Variants in SND1 observed in about 807,000 individuals in gnomAD.
SND1 encodes staphylococcal nuclease and tudor domain containing 1.
Under a neutral mutation model 121.7 loss-of-function variants are expected in SND1, and 38 were observed. The observed-to-expected ratio is 0.31, with a 90% CI of 0.24 to 0.41. The LOEUF (loss-of-function observed/expected upper bound fraction) is 0.41. Among genes scored for constraint, SND1 ranks in the 10% least tolerant of loss-of-function variants. The probability of loss-of-function intolerance (pLI) is 1.00; values close to 1 mark genes in which losing one functional copy is unlikely to be tolerated. For synonymous variants in SND1, 401 were observed against 447.4 expected (o/e 0.90, Z 1.31); for missense variants, 868 against 1,184.6 (o/e 0.73, Z 3.92).
At chr7:127,940,384 A>G (rs1189220444) in intron 15 of SND1, among the ~76,000 whole-genome samples, 1 of 152,058 alleles carries the variant, frequency 6.6e-6, no homozygotes, top group African/African-American at 2.4e-5. Flanking sequence ...CTACTGTGCT[A>G]CTCACCAGAA....
chr7:127,683,481 T>G (rs1436804601), intron 1 of SND1, among the ~76,000 whole-genome samples: 1 of 152,216 alleles, frequency 6.6e-6, no homozygotes, highest in South Asian at 2.1e-4. Context: ...CCTCCCAAAG[T>G]GCTGAGATTA....
At chr7:127,660,907 G>C (rs188006219) in intron 1 of SND1, among the ~76,000 whole-genome samples, 40 of 152,190 alleles carry the variant, frequency 2.6e-4, no homozygotes, top group Non-Finnish European at 3.1e-4. Flanking sequence ...TGAATTAGAA[G>C]CTCTGGGACT....
intron 10 of SND1, among the ~76,000 whole-genome samples, chr7:127,772,694 CAT>C (rs1797536147): frequency 3.7e-5 from 2 of 54,346 alleles, no homozygotes; most frequent in Admixed American, 2.6e-4. Context: ...AATTATGAAA[CAT>C]GTAATTTTTT....
chr7:127,688,614 T>TGG (rs987285357), intron 2 of SND1, among the ~76,000 whole-genome samples: 1 of 151,396 alleles, frequency 6.6e-6, no homozygotes, highest in Non-Finnish European at 1.5e-5. Flanking sequence ...CTCAACTACT[T>TGG]GGGAGGTAGA....
At chr7:127,892,728 G>A (rs537834901) in intron 13 of SND1, among the ~76,000 whole-genome samples, 1 of 152,012 alleles carries the variant, frequency 6.6e-6, no homozygotes, top group South Asian at 2.1e-4. Flanking sequence ...CATAGACTTC[G>A]TTGAAAAGCC....
rs536020584 is a variant in SND1 at position 127,705,439 on chromosome 7, A to G, written c.947+494A>G. Among the ~76,000 whole-genome samples the G allele has an allele frequency of 1.5e-3, 225 of 152,370 alleles. No homozygotes were observed. The Middle Eastern group carries it at 0.02, about 14-fold the overall frequency. ...GTGTGTTTCAGTTATAAACACTAAT[A>G]TAACTCTGAGACGTTATTGGTGTGT... On this transcript the variant is annotated intron_variant, in intron 8 of 23. Coordinates refer to ENST00000354725, the MANE Select transcript of SND1 (RefSeq NM_014390.4).
At chr7:127,863,587 G>C (rs951513358) in intron 12 of SND1, among the ~76,000 whole-genome samples, 1 of 152,128 alleles carries the variant, frequency 6.6e-6, no homozygotes, top group Non-Finnish European at 1.5e-5. Flanking sequence ...TGGCAGAATC[G>C]TAAAACAATA....
At chr7:127,931,782 A>G (rs1800960130) in intron 15 of SND1, among the ~76,000 whole-genome samples, 1 of 152,220 alleles carries the variant, frequency 6.6e-6, no homozygotes, top group South Asian at 2.1e-4. Context: ...AATGATGCTA[A>G]ATCTACTCTG....
intron 14 of SND1, among the ~76,000 whole-genome samples, chr7:127,914,979 C>T (rs1228912134): frequency 6.6e-6 from 1 of 152,026 alleles, no homozygotes; most frequent in African/African-American, 2.4e-5. Context: ...AAACAGTTGA[C>T]GTAAGAGCTC....
At chr7:127,925,114 A>G (rs1403286104) in intron 14 of SND1, among the ~76,000 whole-genome samples, 2 of 152,238 alleles carry the variant, frequency 1.3e-5, no homozygotes, top group African/African-American at 4.8e-5. Context: ...GGAGGCAGAA[A>G]CATTTCTTAA....
chr7:128,075,532 T>C (rs1307194144), intron 17 of SND1, among the ~76,000 whole-genome samples: 3 of 152,176 alleles, frequency 2.0e-5, no homozygotes, highest in Non-Finnish European at 4.4e-5. Flanking sequence ...AGCACCAGAT[T>C]CTTCACCAGC....
chr7:128,085,974 A>G lies in SND1; in HGVS notation c.2304+194A>G, dbSNP rs1218495389. Among the ~76,000 whole-genome samples, 3 of 152,186 alleles carry G rather than the reference A, an allele frequency of 2.0e-5. No homozygotes were observed. Among genetic ancestry groups the G allele is most frequent in the African/African-American group, 7.2e-5 (3 of 41,444 alleles). ...ACTGGGGTCTATGACCAGTGGCTGC[A>G]AGCACTGATAGGTCCCGCATCCAGA... is the stretch of plus-strand genomic sequence containing the variant. On this transcript the variant is annotated intron_variant, in intron 20 of 23. Transcript: ENST00000354725. The surrounding 1 kb of genome is among the most constrained non-coding windows in gnomAD (Gnocchi z 4.4).
At chr7:127,676,510 A>T (rs1464679292) in intron 1 of SND1, among the ~76,000 whole-genome samples, 1 of 152,198 alleles carries the variant, frequency 6.6e-6, no homozygotes, top group African/African-American at 2.4e-5. Flanking sequence ...ACACCATCTG[A>T]GGCTATGATT....
At chr7:128,048,252 A>T (rs781475628) in intron 16 of SND1, among the ~76,000 whole-genome samples, 21 of 150,486 alleles carry the variant, frequency 1.4e-4, no homozygotes, top group Non-Finnish European at 3.1e-4. Flanking sequence ...TGGAACTGGC[A>T]GTGATTTTTT....
At chr7:127,759,365 A>AT (rs1163525956) in intron 10 of SND1, among the ~76,000 whole-genome samples, 1 of 152,068 alleles carries the variant, frequency 6.6e-6, no homozygotes, top group Non-Finnish European at 1.5e-5. Flanking sequence ...TAATACATTA[A>AT]TTTTTTTGTT....
At chr7:127,960,498 C>T (rs1360413529) in intron 15 of SND1, among the ~76,000 whole-genome samples, 1 of 152,184 alleles carries the variant, frequency 6.6e-6, no homozygotes, top group Non-Finnish European at 1.5e-5. Flanking sequence ...GAATTACAGT[C>T]ATCTAGAAAA....
chr7:127,926,522 T>G (rs186530034), intron 14 of SND1, among the ~76,000 whole-genome samples: 5 of 151,856 alleles, frequency 3.3e-5, no homozygotes, highest in Admixed American at 2.6e-4. Context: ...GTTTTAAAAT[T>G]TGCTGTATGC....
chr7:127,958,409 T>C lies in SND1; in HGVS notation c.1669+29080T>C, dbSNP rs145266510. Reference sequence around the variant, plus strand: ...CTTTGTCCAGTCGTCTGTGTCCGTATCAACTCTGGAACTATTCAGGGCCTG... The same window carrying C: ...CTTTGTCCAGTCGTCTGTGTCCGTACCAACTCTGGAACTATTCAGGGCCTG... On this transcript the variant is annotated intron_variant, in intron 15 of 23. Transcript: ENST00000354725. Among the ~76,000 whole-genome samples the C allele has an allele frequency of 1.9e-4, 29 of 152,150 alleles. No individual in the cohort carries two copies. The East Asian group carries it at 5.6e-3, about 29-fold the overall frequency.
intron 11 of SND1, among the ~76,000 whole-genome samples, chr7:127,823,517 G>A (rs965145610): frequency 2.0e-5 from 3 of 152,088 alleles, no homozygotes; most frequent in Admixed American, 2.0e-4. Context: ...CTAAAGAAAG[G>A]GCAAAGTATG....
Sources: allele counts gnomAD v4.1 joint callset (sites outside exome capture counted in the v4.1 genomes callset), GRCh38; gene constraint gnomAD v4.1.1; non-coding constraint Gnocchi (gnomAD v3.1); transcripts MANE v1.5; gene names NCBI Gene and HGNC (gene_info 2026-07-23, HGNC 2026-07-21).